Variants in MADD observed in about 807,000 individuals in gnomAD.
MADD encodes the protein MAP kinase-activating death domain protein.
Under a neutral mutation model 176.7 loss-of-function variants are expected in MADD, and 109 were observed. The ratio of observed to expected loss-of-function variants is 0.62; its 90% CI spans 0.53 to 0.72. MADD has a LOEUF of 0.72. Among genes scored for constraint, MADD ranks in the 30% least tolerant of loss-of-function variants. The probability of loss-of-function intolerance (pLI) is 0.00; values close to 1 mark genes in which losing one functional copy is unlikely to be tolerated. For missense variants in MADD, 1,914 were observed against 2,045.5 expected, an observed-to-expected ratio of 0.94 and a Z score of 1.24; for synonymous variants, 771 against 771.3, an observed-to-expected ratio of 1.00 and a Z score of 0.01.
chr11:47,287,213 T>C (rs568751276), intron 15 of MADD, among the ~76,000 whole-genome samples: 1 of 152,220 alleles, frequency 6.6e-6, no homozygotes, highest in African/African-American at 2.4e-5. Flanking sequence ...TCCCAGCTAC[T>C]TGGGAGGCTG....
At chr11:47,300,206 C>CTTTTTTTTTTTTTTTT (rs777080143) in intron 22 of MADD, among the ~76,000 whole-genome samples, 4 of 130,378 alleles carry the variant, frequency 3.1e-5, no homozygotes, top group Non-Finnish European at 6.6e-5. Context: ...TTTTTTCTTT[C>CTTTTTTTTTTTTTTTT]TTTTTTTTTT....
intron 27 of MADD, among the ~76,000 whole-genome samples, chr11:47,319,990 CAA>C (rs11302029): frequency 5.1e-3 from 344 of 67,876 alleles, no homozygotes; most frequent in African/African-American, 0.016. Flanking sequence ...GACTCCATCG[CAA>C]AAAAAAAAAA....
chr11:47,323,237 CAAAA>C (rs11341336), intron 27 of MADD, among the ~76,000 whole-genome samples: 2 of 108,948 alleles, frequency 1.8e-5, no homozygotes, highest in Admixed American at 1.0e-4. Context: ...GACTCCATCT[CAAAA>C]AAAAAAAAAA....
At chr11:47,274,462 T>C (rs1437313955) in intron 2 of MADD, 101 bp from the exon 3 acceptor site, 1 of 996,456 alleles carries the variant, frequency 1.0e-6, no homozygotes, top group African/African-American at 1.6e-5. Context: ...CAGGTTACTT[T>C]ATCCAAAATA....
rs1033764120 is a variant in MADD, at chr11:47,283,108, T to A, written c.1862+139T>A. The A allele has an allele frequency of 8.9e-6, 7 of 785,450 alleles. No individual in the cohort carries two copies. In the African/African-American group the frequency reaches 1.1e-4, roughly 12 times the overall value. 48.7% of individuals were successfully genotyped at this position (785,450 alleles called of 1,614,324 possible). ...TTTATTTTATTTTATTTATTTATTT[T>A]TTTGAGACGGAGTCTCGCTCTGTCA... On this transcript the variant is annotated intron_variant, in intron 10 of 32. Coordinates refer to ENST00000402192, the Ensembl canonical transcript of MADD.
chr11:47,308,864 C>A, intron 23 of MADD, 116 bp from the exon 26 acceptor site: 1 of 1,092,650 alleles, frequency 9.2e-7, no homozygotes, highest in Non-Finnish European at 1.4e-6. Context: ...CCAGAACAAG[C>A]AGTGGGTGAA....
chr11:47,291,095 G>T (rs2064815661), intron 19 of MADD, among the ~76,000 whole-genome samples: 1 of 152,108 alleles, frequency 6.6e-6, no homozygotes, highest in Non-Finnish European at 1.5e-5. Flanking sequence ...TGTACTCCTG[G>T]CCCCTCCTTT....
chr11:47,290,944 G>C, intron 19 of MADD, 128 bp downstream of exon 20: 1 of 728,380 alleles, frequency 1.4e-6, no homozygotes, highest in Non-Finnish European at 2.2e-6. Flanking sequence ...AAGGGGGCCT[G>C]TGTCCATTTC....
intron 26 of MADD, among the ~76,000 whole-genome samples, chr11:47,312,952 G>A (rs1594737163): frequency 6.6e-6 from 1 of 152,322 alleles, no homozygotes; most frequent in East Asian, 1.9e-4. Context: ...ACCTTGAGTT[G>A]CAAGTGAACT....
At chr11:47,300,225 A>C (rs1416861673) in intron 22 of MADD, among the ~76,000 whole-genome samples, 1 of 95,796 alleles carries the variant, frequency 1.0e-5, no homozygotes, top group Non-Finnish European at 2.1e-5. Context: ...TTTTTTTTTT[A>C]AGACGGAGTC....
chr11:47,314,804 A>G (rs2092185510), intron 26 of MADD, among the ~76,000 whole-genome samples: 1 of 152,204 alleles, frequency 6.6e-6, no homozygotes, highest in Admixed American at 6.5e-5. Context: ...GAATGCAACT[A>G]TTTGATTCTA....
At chr11:47,320,702 G>A (rs912381617) in intron 27 of MADD, among the ~76,000 whole-genome samples, 8 of 151,342 alleles carry the variant, frequency 5.3e-5, no homozygotes, top group African/African-American at 1.5e-4. Context: ...TGGGAGGTTC[G>A]CTTGAGCCCA....
rs373887894 is a variant in MADD at position 47,292,611 on chromosome 11, C to T, written c.3302-1272C>T. 7 of 1,613,644 alleles carry T rather than the reference C, an allele frequency of 4.3e-6. No individual in the cohort carries two copies. The highest frequency in any genetic ancestry group is 2.2e-5 in the East Asian group (1 of 44,898). On this transcript the variant is annotated intron_variant, in intron 19 of 32. Coordinates refer to ENST00000402192, the Ensembl canonical transcript of MADD. ...GGAAAAACAGAGTAAGGAACAAATG[C>T]CCTTTCCTGTTCCCAAGTCCTCCAT...
chr11:47,288,565 AC>A (rs1464989716), intron 15 of MADD, among the ~76,000 whole-genome samples: 1 of 151,996 alleles, frequency 6.6e-6, no homozygotes, highest in African/African-American at 2.4e-5. Context: ...TTACCCTCTC[AC>A]CCATCTCCCA....
Position 47,326,569 on chromosome 11 carries a change from C to T in MADD, c.4543-169C>T. 1.1e-5 allele frequency: 16 copies of T among 1,416,910 alleles called. No individual in the cohort carries two copies. Among genetic ancestry groups the T allele is most frequent in the Non-Finnish European group, 1.5e-5 (16 of 1,086,760 alleles). The allele number at this position is 1,416,910 out of a possible 1,614,324, so 87.8% of individuals were successfully genotyped here. On this transcript the variant is annotated intron_variant, in intron 30 of 32. Transcript: ENST00000402192. ...GAGCGGAAGGTACATGCCCTTTCTG[C>T]TATCTTCGCTTCTTAGCGCTTTTGA...
chr11:47,327,442 C>T (rs747505723), intron 31 of MADD: 19 of 985,300 alleles, frequency 1.9e-5, no homozygotes, highest in Non-Finnish European at 2.3e-5. Context: ...CGTTCTCCAG[C>T]AGGTAAAGTG....
rs1294306061 is a variant in MADD, at chr11:47,309,265, C to A, written c.3752-16C>A. 2 of 1,611,596 alleles carry A rather than the reference C, an allele frequency of 1.2e-6. No homozygotes were observed. The highest frequency in any genetic ancestry group is 1.7e-6 in the Non-Finnish European group (2 of 1,179,296). On this transcript the variant is annotated splice_polypyrimidine_tract_variant and intron_variant, in intron 23 of 32. Coordinates refer to ENST00000402192, the Ensembl canonical transcript of MADD. ...AATGTTAAATAGGCCCCCTAAGAAA[C>A]CTTTATTCTATGCAGGCAAAGAGCG...
At chr11:47,275,102 A>G in exon 3 of MADD, 1 of 1,614,164 alleles carries the variant, frequency 6.2e-7, no homozygotes, top group Non-Finnish European at 8.5e-7. Context: ...CGCCTGGTGG[A>G]CTGCTGTAGT....
exon 21 of MADD, chr11:47,295,557 A>C: frequency 6.2e-7 from 1 of 1,614,092 alleles, no homozygotes; most frequent in Non-Finnish European, 8.5e-7. Context: ...AGCTCAAGTC[A>C]GGATTCTGAA....
Sources: gnomAD v4.1 joint callset for allele counts (sites outside exome capture counted in the v4.1 genomes callset) on GRCh38, gnomAD v4.1.1 for gene constraint, MANE v1.5 for transcripts, NCBI Gene and HGNC (gene_info 2026-07-23, HGNC 2026-07-21) for gene names.